Variants in DOCK9 observed in about 807,000 individuals in gnomAD.
DOCK9 encodes dedicator of cytokinesis 9.
Under a neutral mutation model 263.3 loss-of-function variants are expected in DOCK9, and 89 were observed. The ratio of observed to expected loss-of-function variants is 0.34; its 90% confidence interval spans 0.28 to 0.40. The LOEUF (loss-of-function observed/expected upper bound fraction) is 0.40, where lower values mean the gene tolerates loss of function less well. Ranked by LOEUF, DOCK9 falls within the 10% of genes least tolerant of loss-of-function variation. The pLI is 1.00. For synonymous variants in DOCK9, 976 were observed against 973.1 expected (o/e 1.00, Z -0.06); for missense variants, 2,140 against 2,603.4 (o/e 0.82, Z 3.87).
chr13:99,080,097 T>A (rs537925440), intron 1 of DOCK9, among the ~76,000 whole-genome samples: 1 of 152,336 alleles, frequency 6.6e-6, no homozygotes, highest in African/African-American at 2.4e-5. Context: ...TATTTCCCCA[T>A]GTTTTATGTG....
intron 1 of DOCK9, among the ~76,000 whole-genome samples, chr13:98,993,632 C>T (rs961975647): frequency 6.6e-6 from 1 of 152,058 alleles, no homozygotes; most frequent in Non-Finnish European, 1.5e-5. Context: ...ACCTGTAGTC[C>T]CTGGAGGCTG....
chr13:99,013,882 G>T (rs1303510490), intron 1 of DOCK9, among the ~76,000 whole-genome samples: 4 of 152,198 alleles, frequency 2.6e-5, no homozygotes, highest in Admixed American at 1.3e-4. Flanking sequence ...GCGTGCAGAA[G>T]AGGTCCCAGA....
chr13:98,981,083 G>T (rs1381243419), upstream of DOCK9, among the ~76,000 whole-genome samples: 5 of 151,122 alleles, frequency 3.3e-5, no homozygotes. Context: ...TCAAGGCAGG[G>T]TTTGGCTCTG....
At chr13:99,074,442 A>G (rs2142402623) in intron 1 of DOCK9, among the ~76,000 whole-genome samples, 1 of 152,374 alleles carries the variant, frequency 6.6e-6, no homozygotes, top group East Asian at 1.9e-4. Flanking sequence ...GCAATTTACT[A>G]GAGAGAAAAG....
At chr13:98,882,590 G>A (rs1383086004) in intron 23 of DOCK9, among the ~76,000 whole-genome samples, 3 of 152,022 alleles carry the variant, frequency 2.0e-5, no homozygotes, top group Non-Finnish European at 4.4e-5. Context: ...GCTTAGACAC[G>A]CCAGGAACCC....
At chr13:99,009,540 C>G (rs2141919154) in intron 1 of DOCK9, among the ~76,000 whole-genome samples, 1 of 152,152 alleles carries the variant, frequency 6.6e-6, no homozygotes, top group East Asian at 1.9e-4. Context: ...ATGAGAACAC[C>G]TAAGATAATC....
In DOCK9 at chr13:98,888,148, A is replaced by G. The variant is rs1306766893; in HGVS notation, c.2043+10T>C. 3 of 1,576,468 alleles carry G rather than the reference A, an allele frequency of 1.9e-6. No individual in the cohort carries two copies. The highest frequency in any genetic ancestry group is 2.6e-6 in the Non-Finnish European group (3 of 1,164,698). ...ATTCGTAGGTGAACATATATTAAAA[A>G]AAAACAAACCTTAAGGGGCTGAGAG... is the stretch of plus-strand genomic sequence containing the variant. On this transcript the variant is annotated intron_variant, in intron 18 of 52. Transcript: ENST00000682017.
At chr13:99,073,543 A>G (rs796987339) in intron 1 of DOCK9, among the ~76,000 whole-genome samples, 7 of 152,252 alleles carry the variant, frequency 4.6e-5, no homozygotes, top group African/African-American at 1.7e-4. Context: ...CTCCTTGACC[A>G]GGTCTTCTTA....
intron 1 of DOCK9, among the ~76,000 whole-genome samples, chr13:98,999,288 G>GCACACACACACACACACACA (rs1412789503): frequency 5.1e-5 from 7 of 137,584 alleles, no homozygotes; most frequent in South Asian, 2.7e-4. Context: ...ACGCATGCAC[G>GCACACACACACACACACACA]CGCACACACA....
At chr13:98,824,905 C>G (rs2092460112) in intron 44 of DOCK9, among the ~76,000 whole-genome samples, 1 of 152,142 alleles carries the variant, frequency 6.6e-6, no homozygotes, top group Admixed American at 6.5e-5. Context: ...ATGTATGATT[C>G]AAAAAGAACT....
At chr13:99,004,784 G>GATACACAC (rs1274805309) in intron 1 of DOCK9, among the ~76,000 whole-genome samples, 1 of 148,040 alleles carries the variant, frequency 6.8e-6, no homozygotes, top group African/African-American at 2.5e-5. Flanking sequence ...AAAAACTATA[G>GATACACAC]ACACACACAC....
At chr13:99,052,098 G>C (rs549247548) in intron 1 of DOCK9, among the ~76,000 whole-genome samples, 1 of 152,266 alleles carries the variant, frequency 6.6e-6, no homozygotes, top group South Asian at 2.1e-4. Context: ...CTCTCAGCAC[G>C]ACCAATTTTC....
At chr13:98,833,806 T>C (rs2092871868) in intron 39 of DOCK9, among the ~76,000 whole-genome samples, 1 of 152,216 alleles carries the variant, frequency 6.6e-6, no homozygotes, top group Non-Finnish European at 1.5e-5. Flanking sequence ...TTTTTCTGTG[T>C]CTCCCTGCTG....
intron 36 of DOCK9, 88 bp downstream of exon 36, chr13:98,849,959 C>T: frequency 1.1e-6 from 1 of 941,182 alleles, no homozygotes; most frequent in Non-Finnish European, 1.6e-6. Context: ...ATACACTACT[C>T]CTCTGGTTCA....
Position 98,794,459 on chromosome 13 carries a change from C to A in DOCK9, c.*167G>T. On this transcript the variant is annotated 3_prime_UTR_variant, in exon 53 of 53. Transcript: ENST00000682017. ...TTAAAAAAATATGTGCACCTTCTTA[C>A]AACTCCTATAGAAAGTCTGTTAAGA... 1.4e-6 allele frequency: 1 copy of A among 720,982 alleles called. No individual in the cohort carries two copies. The highest frequency in any genetic ancestry group is 2.2e-6 in the Non-Finnish European group (1 of 453,242). 44.7% of individuals were successfully genotyped at this position (720,982 alleles called of 1,614,324 possible).
intron 15 of DOCK9, among the ~76,000 whole-genome samples, chr13:98,895,372 AT>A (rs1400922758): frequency 6.6e-6 from 1 of 152,104 alleles, no homozygotes; most frequent in Non-Finnish European, 1.5e-5. Context: ...GTAAAAAAAA[AT>A]GTTCCCCCCT....
chr13:98,915,575 T>C (rs1331427183), intron 7 of DOCK9, 72 bp from the exon 8 acceptor site: 2 of 1,394,006 alleles, frequency 1.4e-6, no homozygotes, highest in African/African-American at 2.9e-5. Flanking sequence ...TACTCTCTCT[T>C]GTTGGTGAGT....
chr13:98,885,431 C>A, intron 20 of DOCK9: 1 of 530,882 alleles, frequency 1.9e-6, no homozygotes, highest in Non-Finnish European at 3.4e-6. Flanking sequence ...TGGCGAAATC[C>A]CGTCTCTACA....
At chr13:99,086,272 G>T in exon 1 of DOCK9, 1 of 1,498,118 alleles carries the variant, frequency 6.7e-7, no homozygotes. Context: ...CCGCAGCTCG[G>T]CCGCCGTGCC....
Sources: allele counts gnomAD v4.1 joint callset (sites outside exome capture counted in the v4.1 genomes callset), GRCh38; gene constraint gnomAD v4.1.1; transcripts MANE v1.5; gene names NCBI Gene and HGNC (gene_info 2026-07-23, HGNC 2026-07-21).